The following SMARCC1 variants were observed in gnomAD, a reference collection of about 807,000 sequenced individuals.
SMARCC1 encodes the protein SWI/SNF related BAF chromatin remodeling complex subunit C1, also known as SWI/SNF complex subunit SMARCC1.
SMARCC1 carries 43 observed loss-of-function variants against 147.4 expected under a neutral mutation model. That is an observed-to-expected ratio of 0.29 (90% confidence interval 0.23 to 0.38). The LOEUF (loss-of-function observed/expected upper bound fraction) is 0.38, where lower values mean the gene tolerates loss of function less well. Ranked by LOEUF, SMARCC1 falls within the 10% of genes least tolerant of loss-of-function variation. The pLI is 1.00. For synonymous variants in SMARCC1, 495 were observed against 484.4 expected, an observed-to-expected ratio of 1.02 and a Z score of -0.29; for missense variants, 1,119 against 1,381.1, an observed-to-expected ratio of 0.81 and a Z score of 3.01.
intron 2 of SMARCC1, among the ~76,000 whole-genome samples, chr3:47,750,097 A>G (rs1289795636): frequency 2.0e-5 from 3 of 147,590 alleles, no homozygotes; most frequent in Non-Finnish European, 4.5e-5. Context: ...AAAAAAAAAG[A>G]AAATGCACGA....
chr3:47,769,210 C>CCA (rs1553692339), intron 2 of SMARCC1, among the ~76,000 whole-genome samples: 5,100 of 30,326 alleles, frequency 0.17, 543 homozygotes, highest in Non-Finnish European at 0.19. Context: ...GACTCCGTCT[C>CCA]AAAAAAAAAA....
chr3:47,662,676 A>T (rs556530626), intron 19 of SMARCC1, 84 bp from the exon 20 acceptor site: 29 of 1,080,104 alleles, frequency 2.7e-5, no homozygotes, highest in Admixed American at 1.6e-4. Flanking sequence ...TAGCTTTTTT[A>T]AAAAAAATTA....
At chr3:47,758,563 C>T (rs2034731482) in intron 2 of SMARCC1, among the ~76,000 whole-genome samples, 1 of 152,064 alleles carries the variant, frequency 6.6e-6, no homozygotes, top group Admixed American at 6.6e-5. Context: ...TACCAGTACA[C>T]AGCCATACTT....
chr3:47,680,503 T>C lies in SMARCC1; in HGVS notation c.1391A>G (p.His464Arg), dbSNP rs774253035. Reference sequence around the variant, plus strand: ...AGGAAGAGCACGCCGTTCAATCACATGAATACTGAAAAGAAGAAGAAAAAA... The same window carrying C: ...AGGAAGAGCACGCCGTTCAATCACACGAATACTGAAAAGAAGAAGAAAAAA... ...YASWFDYNCI[H>R]VIERRALPEF... Residue 464 changes from histidine to arginine, a missense_variant, in exon 15 of 28, where the codon CAT becomes CGT. By Grantham distance (29) the His-to-Arg change is conservative. Coordinates refer to ENST00000254480, the MANE Select transcript of SMARCC1 (RefSeq NM_003074.4). 3.3e-6 allele frequency: 5 copies of C among 1,524,182 alleles called. No individual in the cohort carries two copies. The highest frequency in any genetic ancestry group is 4.5e-6 in the Non-Finnish European group (5 of 1,110,886). 94.4% of individuals were successfully genotyped at this position (1,524,182 alleles called of 1,614,324 possible). A position where few individuals can be genotyped will look rare whatever the true frequency, so the allele number is the denominator to read the frequency against.
chr3:47,612,193 T>C (rs1358389942), intron 25 of SMARCC1, among the ~76,000 whole-genome samples: 1 of 152,218 alleles, frequency 6.6e-6, no homozygotes, highest in Non-Finnish European at 1.5e-5. Context: ...ATCAGATTAG[T>C]AAGTAAGAGG....
At chr3:47,761,065 G>A (rs2034767343) in intron 2 of SMARCC1, among the ~76,000 whole-genome samples, 1 of 152,098 alleles carries the variant, frequency 6.6e-6, no homozygotes, top group Non-Finnish European at 1.5e-5. Flanking sequence ...CCCGGGAAGG[G>A]GAGGCTGCAG....
Position 47,772,915 on chromosome 3 carries a change from T to C in SMARCC1, c.217A>G (p.Thr73Ala). 6.2e-7 allele frequency: 1 copy of C among 1,613,390 alleles called. No homozygotes were observed. Residue 73 changes from threonine to alanine, a missense_variant, in exon 2 of 28, where the codon ACC (threonine) becomes GCC (alanine). By Grantham distance (58) the Thr-to-Ala change is moderately conservative. Coordinates refer to ENST00000254480, the MANE Select transcript of SMARCC1 (RefSeq NM_003074.4). ...YKKYVHADAP[T>A]NKTLAGLVVQ... ...ACCAGCCCAGCCAGTGTTTTATTGGTAGGAGCATCCGCATGAACATACTGC... is the reference window on the plus strand; with the variant it reads ...ACCAGCCCAGCCAGTGTTTTATTGGCAGGAGCATCCGCATGAACATACTGC...
At chr3:47,634,815 T>C (rs1363198707) in intron 24 of SMARCC1, among the ~76,000 whole-genome samples, 1 of 152,192 alleles carries the variant, frequency 6.6e-6, no homozygotes, top group African/African-American at 2.4e-5. Context: ...AACAGGTTTT[T>C]GTCTTAAAAA....
chr3:47,763,758 G>T (rs1029504629), intron 2 of SMARCC1, among the ~76,000 whole-genome samples: 1 of 151,408 alleles, frequency 6.6e-6, no homozygotes, highest in Non-Finnish European at 1.5e-5. Flanking sequence ...ACTCACTGTC[G>T]CCTAGGCTGG....
At chr3:47,677,142 G>A (rs2033584747) in intron 16 of SMARCC1, among the ~76,000 whole-genome samples, 1 of 152,126 alleles carries the variant, frequency 6.6e-6, no homozygotes, top group Admixed American at 6.5e-5. Flanking sequence ...TGTCTCTAAG[G>A]CTGGAGTGCA....
At position 47,590,645 on chromosome 3, in the gene SMARCC1, C is replaced by A. The variant is rs752545707; in HGVS notation, c.3220+16G>T. 2 of 1,497,090 alleles carry A rather than the reference C, an allele frequency of 1.3e-6. No homozygotes were observed. The highest frequency in any genetic ancestry group is 2.5e-5 in the East Asian group (1 of 39,958). 92.7% of individuals were successfully genotyped at this position (1,497,090 alleles called of 1,614,324 possible). On this transcript the variant is annotated intron_variant, in intron 27 of 27. Coordinates refer to ENST00000254480, the MANE Select transcript of SMARCC1 (RefSeq NM_003074.4). Reference sequence around the variant, plus strand: ...ACGGACCCTGAGATAATGCATCCCCCCTCCATGTTACTTACACATGCCGTT... The same window carrying A: ...ACGGACCCTGAGATAATGCATCCCCACTCCATGTTACTTACACATGCCGTT...
chr3:47,600,396 G>A (rs1373375956), intron 26 of SMARCC1, among the ~76,000 whole-genome samples: 1 of 152,196 alleles, frequency 6.6e-6, no homozygotes, highest in East Asian at 1.9e-4. Context: ...AGACAGGAAA[G>A]GAGGTAAGAA....
rs747496342 is a variant in SMARCC1 at position 47,729,081 on chromosome 3, T to C, written c.590A>G (p.Asp197Gly). 1 of 1,611,374 alleles carries C rather than the reference T, an allele frequency of 6.2e-7. No homozygotes were observed. Among genetic ancestry groups the C allele is most frequent in the Non-Finnish European group, 8.5e-7 (1 of 1,177,968 alleles). ...IIKRHQGTFT[D>G]EKSKASHHIY... ...GTGGTGGGAAGCTTTTGACTTCTCA[T>C]CCGTAAATGTTCCCTGGAAAGCAAA... Residue 197 changes from aspartate (D) to glycine (G), a missense_variant, in exon 6 of 28, where the codon GAT becomes GGT. Transcript: ENST00000254480.
intron 2 of SMARCC1, among the ~76,000 whole-genome samples, chr3:47,768,386 A>C (rs1281027047): frequency 1.3e-5 from 2 of 152,182 alleles, no homozygotes; most frequent in African/African-American, 4.8e-5. Context: ...CTGCCTAAAA[A>C]TATTCTTCCC....
chr3:47,595,351 C>T (rs2032256683), intron 26 of SMARCC1, among the ~76,000 whole-genome samples: 2 of 152,018 alleles, frequency 1.3e-5, no homozygotes, highest in African/African-American at 4.8e-5. Flanking sequence ...ATGTTGAAAC[C>T]CCATCTCTAC....
chr3:47,716,805 G>T (rs976078599), intron 7 of SMARCC1, among the ~76,000 whole-genome samples: 1 of 152,148 alleles, frequency 6.6e-6, no homozygotes, highest in Non-Finnish European at 1.5e-5. Flanking sequence ...TTTACAGAAA[G>T]AACTTATTCA....
At chr3:47,781,004 C>T (rs1330230397) in intron 1 of SMARCC1, among the ~76,000 whole-genome samples, 1 of 152,168 alleles carries the variant, frequency 6.6e-6, no homozygotes, top group Non-Finnish European at 1.5e-5. Context: ...CTAATAAAAA[C>T]TGGGTTCTTG....
rs1294714505 is a variant in SMARCC1, at chr3:47,663,674, A to AGGAG, written c.1900-1083_1900-1082insCTCC. ...CTTTGAACCATCGAAGCCCCCAGTCATTGAGGGGCTTAGCCCCACTGTTTA... is the reference window on the plus strand; with the variant it reads ...CTTTGAACCATCGAAGCCCCCAGTCAGGAGTTGAGGGGCTTAGCCCCACTGTTTA... On this transcript the variant is annotated intron_variant, in intron 19 of 27. Coordinates refer to ENST00000254480, the MANE Select transcript of SMARCC1 (RefSeq NM_003074.4). The AGGAG allele has an allele frequency of 2.7e-6, 4 of 1,493,994 alleles. No homozygotes were observed. The African/African-American group carries it at 5.5e-5, about 21-fold the overall frequency. 92.5% of individuals were successfully genotyped at this position (1,493,994 alleles called of 1,614,324 possible).
At position 47,741,451 on chromosome 3, in the gene SMARCC1, T is replaced by C. The variant is rs987891020; in HGVS notation, c.402-3341A>G. Among the ~76,000 whole-genome samples the C allele has an allele frequency of 4.9e-5, 7 of 141,474 alleles. No homozygotes were observed. The Admixed American group carries it at 5.1e-4, about 10-fold the overall frequency. The allele number at this position is 141,474 out of a possible 152,430, so 92.8% of individuals were successfully genotyped here. A position where few individuals can be genotyped will look rare whatever the true frequency, so the allele number is the denominator to read the frequency against. ...AAATCCTATTTGAGAAATAAATACA[T>C]GGCAAAATATCTAAACTTGACCCTT... is the stretch of plus-strand genomic sequence containing the variant. On this transcript the variant is annotated intron_variant, in intron 3 of 27. Coordinates refer to ENST00000254480, the MANE Select transcript of SMARCC1 (RefSeq NM_003074.4).
Sources: gnomAD v4.1 joint callset for allele counts (sites outside exome capture counted in the v4.1 genomes callset) on GRCh38, gnomAD v4.1.1 for gene constraint, MANE v1.5 for transcripts, NCBI Gene and HGNC (gene_info 2026-07-23, HGNC 2026-07-21) for gene names.